TBC1D22A: variants seen among roughly 807,000 people sequenced by gnomAD.
TBC1D22A encodes TBC1 domain family member 22A.
A neutral mutation model predicts 60.2 loss-of-function variants in TBC1D22A; 38 were observed. The ratio of observed to expected loss-of-function variants is 0.63; its 90% CI spans 0.49 to 0.83. The LOEUF is 0.83. TBC1D22A is among the 40% of genes least tolerant of loss of function. The pLI, the probability that TBC1D22A is intolerant of heterozygous loss-of-function variation, is 0.00. For missense variants in TBC1D22A, 628 were observed against 701.0 expected (o/e 0.90, Z 1.18); for synonymous variants, 302 against 281.7 (o/e 1.07, Z -0.72).
chr22:47,096,583 G>A (rs932107230), intron 11 of TBC1D22A, among the ~76,000 whole-genome samples: 48 of 152,108 alleles, frequency 3.2e-4, no homozygotes, highest in East Asian at 1.4e-3. Context: ...GCACTTTGGG[G>A]GGCCGAGGGA....
At chr22:46,829,673 G>A (rs1485832996) in intron 4 of TBC1D22A, among the ~76,000 whole-genome samples, 2 of 152,228 alleles carry the variant, frequency 1.3e-5, no homozygotes, top group African/African-American at 4.8e-5. Flanking sequence ...GGTAGGGAAT[G>A]CTAATGCAGC....
intron 11 of TBC1D22A, among the ~76,000 whole-genome samples, chr22:47,059,916 A>G (rs2063512152): frequency 6.6e-6 from 1 of 152,202 alleles, no homozygotes. Flanking sequence ...TTCACAGAAG[A>G]TGAGCTCCAG....
chr22:47,007,325 C>T (rs751943302), intron 10 of TBC1D22A, among the ~76,000 whole-genome samples: 4 of 152,274 alleles, frequency 2.6e-5, no homozygotes, highest in Non-Finnish European at 4.4e-5. Context: ...CTCTGCAGAG[C>T]GTCTCCAGCA....
At chr22:47,157,286 G>A (rs1212141493) in intron 12 of TBC1D22A, among the ~76,000 whole-genome samples, 1 of 152,134 alleles carries the variant, frequency 6.6e-6, no homozygotes, top group African/African-American at 2.4e-5. Context: ...AAGCCCTGTG[G>A]GACAGAGCTG....
intron 4 of TBC1D22A, among the ~76,000 whole-genome samples, chr22:46,856,365 T>C (rs1159374306): frequency 2.6e-5 from 4 of 152,238 alleles, no homozygotes; most frequent in African/African-American, 4.8e-5. Flanking sequence ...GCTGCTAACC[T>C]CAGAAGGGGT....
In TBC1D22A at chr22:47,173,693, A is replaced by T; in HGVS notation, c.*67A>T. ...GCGCCCCACCTGCCTGGCTGGTGGT[A>T]GGCCCCTGTGAGCTGGTCCCGGGCT... On this transcript the variant is annotated 3_prime_UTR_variant, in exon 13 of 13. Transcript: ENST00000337137. The T allele has an allele frequency of 6.2e-7, 1 of 1,604,122 alleles. No homozygotes were observed. The highest frequency in any genetic ancestry group is 1.1e-5 in the South Asian group (1 of 90,586).
chr22:47,063,495 C>T (rs944760527), intron 11 of TBC1D22A, among the ~76,000 whole-genome samples: 11 of 152,148 alleles, frequency 7.2e-5, no homozygotes, highest in African/African-American at 2.7e-4. Flanking sequence ...CTGAGCCTGG[C>T]CATTGTGGTA....
intron 8 of TBC1D22A, among the ~76,000 whole-genome samples, chr22:46,916,839 A>G (rs951314799): frequency 6.6e-6 from 1 of 152,226 alleles, no homozygotes; most frequent in African/African-American, 2.4e-5. Flanking sequence ...AGAAAACTCT[A>G]CAAGTGAAAA....
chr22:46,959,938 G>T (rs567155175), intron 8 of TBC1D22A, among the ~76,000 whole-genome samples: 1 of 152,316 alleles, frequency 6.6e-6, no homozygotes, highest in African/African-American at 2.4e-5. Context: ...ACCTCTGAAA[G>T]TCTCCTTTAG....
At chr22:46,913,231 A>G in intron 8 of TBC1D22A, 1 of 719,058 alleles carries the variant, frequency 1.4e-6, no homozygotes, top group Admixed American at 2.9e-5. Context: ...GAAAGAGGGG[A>G]CTTTACTGTT....
chr22:47,145,354 C>T (rs2067249378), intron 12 of TBC1D22A, among the ~76,000 whole-genome samples: 3 of 152,190 alleles, frequency 2.0e-5, no homozygotes, highest in Admixed American at 6.5e-5. Flanking sequence ...AGGGCCGCTG[C>T]TCTGTGGAAG....
chr22:46,852,844 G>A (rs545792295), intron 4 of TBC1D22A, among the ~76,000 whole-genome samples: 2 of 152,094 alleles, frequency 1.3e-5, no homozygotes, highest in South Asian at 4.1e-4. Context: ...CTCCCTGTGC[G>A]CAGACCCTGC....
intron 7 of TBC1D22A, among the ~76,000 whole-genome samples, chr22:46,909,562 G>A (rs2069750331): frequency 6.6e-6 from 1 of 152,206 alleles, no homozygotes; most frequent in Non-Finnish European, 1.5e-5. Context: ...GTTAGGAGGT[G>A]CTGGGCAGAG....
chr22:46,768,777 A>G (rs971997090), intron 1 of TBC1D22A, among the ~76,000 whole-genome samples: 2 of 152,090 alleles, frequency 1.3e-5, no homozygotes, highest in Non-Finnish European at 2.9e-5. Context: ...CAGCTGGGGT[A>G]TGTGGAGTAT....
chr22:46,815,999 A>G (rs2085581741), intron 4 of TBC1D22A, among the ~76,000 whole-genome samples: 1 of 152,190 alleles, frequency 6.6e-6, no homozygotes, highest in African/African-American at 2.4e-5. Context: ...GGGAACGAGA[A>G]GCAGATTGGA....
intron 12 of TBC1D22A, among the ~76,000 whole-genome samples, chr22:47,157,694 C>G (rs78447709): frequency 0.016 from 2,436 of 152,338 alleles, 61 homozygotes; most frequent in African/African-American, 0.056. Context: ...ACCCTCGCTC[C>G]GAGTCTGCTG....
chr22:47,068,850 A>G (rs2063864463), intron 11 of TBC1D22A, among the ~76,000 whole-genome samples: 1 of 152,228 alleles, frequency 6.6e-6, no homozygotes, highest in South Asian at 2.1e-4. Flanking sequence ...ATTCCCCATC[A>G]GCCAGTTTCC....
At chr22:46,999,472 T>TA (rs1380518089) in intron 10 of TBC1D22A, among the ~76,000 whole-genome samples, 3 of 152,174 alleles carry the variant, frequency 2.0e-5, no homozygotes, top group Non-Finnish European at 4.4e-5. Context: ...CATGGCCTCA[T>TA]AATAAGAATA....
chr22:47,140,209 A>G (rs990016373), intron 12 of TBC1D22A, among the ~76,000 whole-genome samples: 3 of 151,316 alleles, frequency 2.0e-5, no homozygotes, highest in Non-Finnish European at 4.4e-5. Context: ...GCGCGTGCTG[A>G]GTCTGCCTAT....
Sources: gnomAD v4.1 joint callset for allele counts (sites outside exome capture counted in the v4.1 genomes callset) on GRCh38, gnomAD v4.1.1 for gene constraint, MANE v1.5 for transcripts, NCBI Gene and HGNC (gene_info 2026-07-23, HGNC 2026-07-21) for gene names.